ZFYVE19: variants seen among roughly 807,000 people sequenced by gnomAD.
The protein encoded by ZFYVE19 is zinc finger FYVE-type containing 19.
ZFYVE19 carries 49 observed loss-of-function variants against 62.8 expected under a neutral mutation model. The observed-to-expected ratio is 0.78, with a 90% CI of 0.62 to 0.99. The LOEUF (loss-of-function observed/expected upper bound fraction) is 0.99, where lower values mean the gene tolerates loss of function less well. Among genes scored for constraint, ZFYVE19 ranks in the 50% least tolerant of loss-of-function variants. The probability of loss-of-function intolerance (pLI) is 0.00; values close to 1 mark genes in which losing one functional copy is unlikely to be tolerated. For missense variants in ZFYVE19, 630 were observed against 601.9 expected, an observed-to-expected ratio of 1.05 and a Z score of -0.49; for synonymous variants, 242 against 234.3, an observed-to-expected ratio of 1.03 and a Z score of -0.30.
At chr15:40,812,355 G>T (rs1890512469) in intron 6 of ZFYVE19, among the ~76,000 whole-genome samples, 1 of 151,988 alleles carries the variant, frequency 6.6e-6, no homozygotes, top group African/African-American at 2.4e-5. Context: ...AGACCAGCCT[G>T]ACCAACATGT....
In ZFYVE19 at chr15:40,814,060, C is replaced by A; in HGVS notation, c.1327C>A (p.Arg443Ser). The A allele has an allele frequency of 6.2e-7, 1 of 1,614,060 alleles. No homozygotes were observed. Residue 443 changes from arginine to serine, a missense_variant, in exon 10 of 11, where the codon CGC becomes AGC. Coordinates refer to ENST00000355341, the MANE Select transcript of ZFYVE19 (RefSeq NM_001077268.2). The part of the protein sequence containing the change: ...AGCDGDLFCA[R>S]CFREGHDAFE... ...CTGCGATGGGGACCTCTTCTGTGCCCGCTGCTTCCGGTGGGTGCAGGTGGA... is the reference window on the plus strand; with the variant it reads ...CTGCGATGGGGACCTCTTCTGTGCCAGCTGCTTCCGGTGGGTGCAGGTGGA...
chr15:40,812,532 C>A (rs1460323060), intron 6 of ZFYVE19, among the ~76,000 whole-genome samples, 167 bp from the exon 7 acceptor site: 1 of 128,978 alleles, frequency 7.8e-6, no homozygotes, highest in Non-Finnish European at 1.6e-5. Flanking sequence ...GGTGACAGAG[C>A]GAGACTCCAT....
Position 40,807,824 on chromosome 15 carries a change from A to G in ZFYVE19, c.235A>G (p.Arg79Gly). Residue 79 changes from arginine (R) to glycine (G), a missense_variant, in exon 1 of 11, where the codon AGG becomes GGG. Coordinates refer to ENST00000355341, the MANE Select transcript of ZFYVE19 (RefSeq NM_001077268.2). ...GGTGCTGGGAGCCACCATGGAGAGT[A>G]GGTGCTACGGCTGCGCTGTCAAGTT... ...PAVLGATMESRCYGCAVKFTL... is the reference protein window; with the variant it reads ...PAVLGATMESGCYGCAVKFTL... 1 of 1,541,230 alleles carries G rather than the reference A, an allele frequency of 6.5e-7. No individual in the cohort carries two copies. The highest frequency in any genetic ancestry group is 8.7e-7 in the Non-Finnish European group (1 of 1,150,788).
rs1235435454 is a variant in ZFYVE19, at chr15:40,813,725, GCTTCC to G, written c.1126_1130del (p.Ser376GlyfsTer2). 1 of 1,613,586 alleles carries G rather than the reference GCTTCC, an allele frequency of 6.2e-7. No homozygotes were observed. The highest frequency in any genetic ancestry group is 2.2e-5 in the East Asian group (1 of 44,890). ...ACCCTGTCCGCAGCTCACTGAAGAA[GCTTCC>G]CTGGATGAGGCAAGTGGCTTTAACA... On this transcript the variant is annotated frameshift_variant, in exon 9 of 11. Coordinates refer to ENST00000355341, the MANE Select transcript of ZFYVE19 (RefSeq NM_001077268.2). LOFTEE classifies it high-confidence loss of function.
chr15:40,807,707 G>GGGGCC lies in ZFYVE19; in HGVS notation c.122_123insCGGGC (p.Arg48LysfsTer63). ...GACAGTGCCAGTGGGCGTGTGGGGC[G>GGGGCC]GGGCAGGGCAGGGAAGGGAAGGGCG... On this transcript the variant is annotated frameshift_variant, in exon 1 of 11. Coordinates refer to ENST00000355341, the MANE Select transcript of ZFYVE19 (RefSeq NM_001077268.2). LOFTEE classifies it high-confidence loss of function. 6.2e-7 allele frequency: 1 copy of GGGGCC among 1,602,294 alleles called. No homozygotes were observed.
Position 40,814,758 on chromosome 15 carries a change from A to G in ZFYVE19, c.*532A>G, listed in dbSNP as rs1200433092. The G allele has an allele frequency of 6.1e-6, 1 of 163,974 alleles. No individual in the cohort carries two copies. The highest frequency in any genetic ancestry group is 1.3e-5 in the Non-Finnish European group (1 of 74,562). The allele number at this position is 163,974 out of a possible 1,614,324, so 10.2% of individuals were successfully genotyped here. Reference sequence around the variant, plus strand: ...AAGTAAACATGTATTCATTCAACTCAACTGTGCTCCAGCTCTGGGCAGCCC... The same window carrying G: ...AAGTAAACATGTATTCATTCAACTCGACTGTGCTCCAGCTCTGGGCAGCCC... On this transcript the variant is annotated 3_prime_UTR_variant, in exon 11 of 11. Coordinates refer to ENST00000355341, the MANE Select transcript of ZFYVE19 (RefSeq NM_001077268.2).
At chr15:40,813,692 A>C (rs777809339) in intron 8 of ZFYVE19, 21 bp from the exon 9 acceptor site, 1 of 1,603,566 alleles carries the variant, frequency 6.2e-7, no homozygotes, top group Admixed American at 1.7e-5. Flanking sequence ...GGGGAGTAGT[A>C]CATCTTCACC....
chr15:40,807,939 A>T lies in ZFYVE19; in HGVS notation c.279+71A>T, dbSNP rs1049473374. On this transcript the variant is annotated intron_variant, in intron 1 of 10. Transcript: ENST00000355341. ...GGGAAAAGCGCGGGACTTAACGTCC[A>T]AAGACTTGGTCTTACGGCTCCTTTC... The T allele has an allele frequency of 7.5e-5, 115 of 1,533,930 alleles. 2 individuals are homozygous for T. The Admixed American group carries it at 2.1e-3, about 28-fold the overall frequency.
Position 40,807,807 on chromosome 15 carries a change from G to C in ZFYVE19, c.218G>C (p.Gly73Ala). 1 of 1,554,736 alleles carries C rather than the reference G, an allele frequency of 6.4e-7. No individual in the cohort carries two copies. The highest frequency in any genetic ancestry group is 1.2e-5 in the South Asian group (1 of 84,092). The change falls in exon 1 of 11, where the codon GGA (glycine) becomes GCA (alanine). Residue 73 changes from glycine to alanine, a missense_variant. Transcript: ENST00000355341. The part of the protein sequence containing the change: ...DLSSADPAVL[G>A]ATMESRCYGC... ...AGCTCTGCAGACCCTGCGGTGCTGG[G>C]AGCCACCATGGAGAGTAGGTGCTAC...
intron 9 of ZFYVE19, 21 bp downstream of exon 9, chr15:40,813,832 A>G (rs1429356904): frequency 1.2e-6 from 2 of 1,609,346 alleles, no homozygotes; most frequent in Admixed American, 3.4e-5. Context: ...CCCCAGATGC[A>G]GACCCCCAGG....
rs746384489 is a variant in ZFYVE19 at position 40,807,823 on chromosome 15, T to C, written c.234T>C (p.Ser78=). Residue 78 remains serine, a synonymous_variant, in exon 1 of 11, where the codon AGT becomes AGC. Transcript: ENST00000355341. ...DPAVLGATME[S]RCYGCAVKFT... is the part of the protein sequence containing the mutation. ...CGGTGCTGGGAGCCACCATGGAGAG[T>C]AGGTGCTACGGCTGCGCTGTCAAGT... 10 of 1,540,304 alleles carry C rather than the reference T, an allele frequency of 6.5e-6. No individual in the cohort carries two copies. In the South Asian group the frequency reaches 7.3e-5, roughly 11 times the overall value.
At chr15:40,812,345 A>G (rs1890511956) in intron 6 of ZFYVE19, among the ~76,000 whole-genome samples, 1 of 152,098 alleles carries the variant, frequency 6.6e-6, no homozygotes, top group Non-Finnish European at 1.5e-5. Flanking sequence ...CAGGAGTTGG[A>G]GACCAGCCTG....
At position 40,813,723 on chromosome 15, in the gene ZFYVE19, A is replaced by T; in HGVS notation, c.1121A>T (p.Glu374Val). The T allele has an allele frequency of 1.2e-6, 2 of 1,613,614 alleles. No homozygotes were observed. The highest frequency in any genetic ancestry group is 8.5e-7 in the Non-Finnish European group (1 of 1,179,836). ...IQRVLQQLTE[E>V]ASLDEASGFN... Reference sequence around the variant, plus strand: ...TCACCCTGTCCGCAGCTCACTGAAGAAGCTTCCCTGGATGAGGCAAGTGGC... The same window carrying T: ...TCACCCTGTCCGCAGCTCACTGAAGTAGCTTCCCTGGATGAGGCAAGTGGC... Residue 374 changes from glutamate to valine, a missense_variant, in exon 9 of 11, where the codon GAA becomes GTA. Physicochemically the swap from Glu to Val is moderately radical, Grantham distance 121. Transcript: ENST00000355341.
chr15:40,810,278 G>T, intron 5 of ZFYVE19, 62 bp downstream of exon 5: 1 of 1,596,342 alleles, frequency 6.3e-7, no homozygotes, highest in Non-Finnish European at 8.5e-7. Context: ...CAGAAGCCCA[G>T]ATACAGGTAT....
Position 40,812,010 on chromosome 15 carries a change from A to G in ZFYVE19, c.827-689A>G, listed in dbSNP as rs183474281. On this transcript the variant is annotated intron_variant, in intron 6 of 10. Coordinates refer to ENST00000355341, the MANE Select transcript of ZFYVE19 (RefSeq NM_001077268.2). ...AATTCCTGCCCTGAAAGGCAAAGAGATCGGCTGAACCTGGGCCTTATCATG... is the reference window on the plus strand; with the variant it reads ...AATTCCTGCCCTGAAAGGCAAAGAGGTCGGCTGAACCTGGGCCTTATCATG... Among the ~76,000 whole-genome samples the G allele has an allele frequency of 1.7e-4, 26 of 152,304 alleles. No homozygotes were observed. In the East Asian group the frequency reaches 5.0e-3, roughly 29 times the overall value.
Position 40,807,555 on chromosome 15 carries a change from G to A in ZFYVE19, c.-35G>A, listed in dbSNP as rs758894799. 1 of 1,606,854 alleles carries A rather than the reference G, an allele frequency of 6.2e-7. No homozygotes were observed. Among genetic ancestry groups the A allele is most frequent in the Non-Finnish European group, 8.5e-7 (1 of 1,175,792 alleles). ...CTCTGGGAATTGTGTTCTGGGTCAGGCTTGACTGACTCTGAGGGAGGCCGG... is the reference window on the plus strand; with the variant it reads ...CTCTGGGAATTGTGTTCTGGGTCAGACTTGACTGACTCTGAGGGAGGCCGG... On this transcript the variant is annotated 5_prime_UTR_variant, in exon 1 of 11. Coordinates refer to ENST00000355341, the MANE Select transcript of ZFYVE19 (RefSeq NM_001077268.2).
chr15:40,812,557 A>AAAG (rs1566838688), intron 6 of ZFYVE19, 142 bp from the exon 7 acceptor site: 1,369 of 463,142 alleles, frequency 3.0e-3, no homozygotes, highest in East Asian at 7.2e-3. Context: ...AAAAAAAAAA[A>AAAG]AAAGAAAGAA....
At chr15:40,813,674 C>T in intron 8 of ZFYVE19, 39 bp from the exon 9 acceptor site, 1 of 1,573,916 alleles carries the variant, frequency 6.4e-7, no homozygotes, top group Non-Finnish European at 8.7e-7. Context: ...GGGCCTGGGC[C>T]TGAAGCAGGG....
intron 1 of ZFYVE19, chr15:40,808,864 C>T: frequency 2.3e-6 from 1 of 437,710 alleles, no homozygotes; most frequent in Non-Finnish European, 4.2e-6. Flanking sequence ...TTCTACATCC[C>T]TGGGTCAGGG....
Sources: gnomAD v4.1 joint callset for allele counts (sites outside exome capture counted in the v4.1 genomes callset) on GRCh38, gnomAD v4.1.1 for gene constraint, MANE v1.5 for transcripts, NCBI Gene and HGNC (gene_info 2026-07-23, HGNC 2026-07-21) for gene names.